NRG3: variants seen among roughly 807,000 people sequenced by gnomAD.
NRG3 encodes pro-neuregulin-3, membrane-bound isoform.
In NRG3, 31 loss-of-function variants were observed where a neutral mutation model predicts 66.9. The ratio of observed to expected loss-of-function variants is 0.46; its 90% CI spans 0.35 to 0.63. The LOEUF (loss-of-function observed/expected upper bound fraction) is 0.63. Among genes scored for constraint, NRG3 ranks in the 20% least tolerant of loss-of-function variants. The pLI is 0.00. For synonymous variants in NRG3, 393 were observed against 359.4 expected (o/e 1.09, Z -1.06); for missense variants, 910 against 878.9 (o/e 1.04, Z -0.45).
chr10:82,706,246 C>A (rs905285780), intron 2 of NRG3, among the ~76,000 whole-genome samples: 2 of 152,154 alleles, frequency 1.3e-5, no homozygotes, highest in Non-Finnish European at 2.9e-5. Context: ...CAACAGAAGG[C>A]ATACCTCCCC....
At chr10:82,691,025 T>C (rs2054883424) in intron 2 of NRG3, among the ~76,000 whole-genome samples, 1 of 152,176 alleles carries the variant, frequency 6.6e-6, no homozygotes, top group Non-Finnish European at 1.5e-5. Flanking sequence ...CTTGTCTTTC[T>C]CTTGTTTTTA....
chr10:82,719,598 T>A (rs1180133984), intron 2 of NRG3, among the ~76,000 whole-genome samples: 1 of 152,152 alleles, frequency 6.6e-6, no homozygotes, highest in Non-Finnish European at 1.5e-5. Context: ...TTTTTCTGGT[T>A]CACTTCCAAC....
intron 5 of NRG3, among the ~76,000 whole-genome samples, chr10:82,952,441 G>C (rs1476889071): frequency 8.5e-6 from 1 of 117,490 alleles, no homozygotes; most frequent in Non-Finnish European, 1.9e-5. Context: ...AAAAAAAAAA[G>C]TAGATATAAA....
At chr10:82,159,597 T>A (rs1446195539) in intron 1 of NRG3, among the ~76,000 whole-genome samples, 1 of 151,906 alleles carries the variant, frequency 6.6e-6, no homozygotes, top group Non-Finnish European at 1.5e-5. Context: ...ATTTTAAGCA[T>A]GTTTATTTTT....
At chr10:82,212,778 T>C (rs2075462606) in intron 1 of NRG3, among the ~76,000 whole-genome samples, 1 of 152,218 alleles carries the variant, frequency 6.6e-6, no homozygotes, top group Non-Finnish European at 1.5e-5. Context: ...TTAGTATACA[T>C]TTTCAGTCTC....
intron 3 of NRG3, among the ~76,000 whole-genome samples, chr10:82,828,206 A>G (rs2062334818): frequency 6.6e-6 from 1 of 152,170 alleles, no homozygotes. Flanking sequence ...GAAGGCTTTA[A>G]CAAAATATAT....
intron 1 of NRG3, among the ~76,000 whole-genome samples, chr10:82,209,744 C>T (rs2075306090): frequency 1.3e-5 from 2 of 152,096 alleles, no homozygotes. Flanking sequence ...AAAATTTTCT[C>T]AGATTTCATT....
At chr10:82,358,956 A>G (rs2083952790) in intron 2 of NRG3, 88 bp downstream of exon 2, 1 of 1,566,596 alleles carries the variant, frequency 6.4e-7, no homozygotes. Context: ...TATGTGTCAT[A>G]TCCGGGATAC....
At chr10:82,445,179 C>A (rs1316039311) in intron 2 of NRG3, among the ~76,000 whole-genome samples, 1 of 151,462 alleles carries the variant, frequency 6.6e-6, no homozygotes, top group African/African-American at 2.4e-5. Context: ...CCCAGAATGA[C>A]ATAGTTAAAT....
intron 2 of NRG3, among the ~76,000 whole-genome samples, chr10:82,544,322 TTTTTTG>T (rs1414271586): frequency 6.7e-6 from 1 of 149,634 alleles, no homozygotes; most frequent in African/African-American, 2.6e-5. Flanking sequence ...TTTGTTGTTG[TTTTTTG>T]TTTTTGTTTT....
intron 1 of NRG3, among the ~76,000 whole-genome samples, chr10:82,007,645 A>G (rs2061423960): frequency 1.3e-5 from 2 of 152,130 alleles, no homozygotes. Flanking sequence ...ATGTGGGTAA[A>G]TGTGGATAAA....
intron 2 of NRG3, among the ~76,000 whole-genome samples, chr10:82,687,091 A>G (rs921373665): frequency 6.6e-6 from 1 of 152,214 alleles, no homozygotes; most frequent in Non-Finnish European, 1.5e-5. Flanking sequence ...CCTCCGGAGC[A>G]ACCATCTTAG....
At chr10:82,489,306 C>T (rs1473220252) in intron 2 of NRG3, among the ~76,000 whole-genome samples, 1 of 152,088 alleles carries the variant, frequency 6.6e-6, no homozygotes, top group Non-Finnish European at 1.5e-5. Flanking sequence ...GAAAATTCAC[C>T]TAAAAATCTA....
intron 3 of NRG3, among the ~76,000 whole-genome samples, chr10:82,763,547 T>G (rs1364934704): frequency 6.6e-6 from 1 of 152,072 alleles, no homozygotes; most frequent in Non-Finnish European, 1.5e-5. Flanking sequence ...GCTGACCAAA[T>G]TAATAACAAA....
At chr10:82,236,018 A>G (rs1052017381) in intron 1 of NRG3, among the ~76,000 whole-genome samples, 9 of 151,934 alleles carry the variant, frequency 5.9e-5, no homozygotes, top group Non-Finnish European at 1.2e-4. Context: ...ACACACACAC[A>G]TACATACACA....
At chr10:82,176,366 C>A (rs1366707076) in intron 1 of NRG3, among the ~76,000 whole-genome samples, 2 of 152,160 alleles carry the variant, frequency 1.3e-5, no homozygotes, top group African/African-American at 4.8e-5. Flanking sequence ...TTCAGTGATA[C>A]TAATTTCTGA....
At chr10:82,173,375 C>T (rs961343731) in intron 1 of NRG3, among the ~76,000 whole-genome samples, 7 of 151,766 alleles carry the variant, frequency 4.6e-5, no homozygotes, top group Non-Finnish European at 8.8e-5. Flanking sequence ...AGTAGGCACA[C>T]GTACACAAAC....
chr10:81,982,550 T>C (rs938499414), intron 1 of NRG3, among the ~76,000 whole-genome samples: 8 of 152,180 alleles, frequency 5.3e-5, no homozygotes, highest in African/African-American at 1.2e-4. Flanking sequence ...AACAAAAATG[T>C]ATTTTCTCAT....
intron 4 of NRG3, among the ~76,000 whole-genome samples, chr10:82,947,321 AT>A (rs1335373985): frequency 6.6e-6 from 1 of 152,116 alleles, no homozygotes; most frequent in Non-Finnish European, 1.5e-5. Flanking sequence ...CTATTTCATT[AT>A]ATAGAAATGT....
Sources: gnomAD v4.1 joint callset for allele counts (sites outside exome capture counted in the v4.1 genomes callset) on GRCh38, gnomAD v4.1.1 for gene constraint, MANE v1.5 for transcripts, NCBI Gene and HGNC (gene_info 2026-07-23, HGNC 2026-07-21) for gene names.